Variants in SFXN1 observed in about 807,000 individuals in gnomAD.
SFXN1 encodes sideroflexin 1, also known as sideroflexin-1.
A neutral mutation model predicts 39.5 loss-of-function variants in SFXN1; 32 were observed. The ratio of observed to expected loss-of-function variants is 0.81; its 90% CI spans 0.61 to 1.09. The LOEUF (loss-of-function observed/expected upper bound fraction) is 1.09. SFXN1 is among the 50% of genes least tolerant of loss of function. The pLI, the probability that SFXN1 is intolerant of heterozygous loss-of-function variation, is 0.00. For missense variants in SFXN1, 402 were observed against 407.1 expected, an observed-to-expected ratio of 0.99 and a Z score of 0.11; for synonymous variants, 136 against 146.5, an observed-to-expected ratio of 0.93 and a Z score of 0.52.
At chr5:175,495,779 T>C (rs2113290247) in intron 2 of SFXN1, among the ~76,000 whole-genome samples, 1 of 151,498 alleles carries the variant, frequency 6.6e-6, no homozygotes, top group East Asian at 1.9e-4. Context: ...AATCTTTTAC[T>C]ACAATAAAAA....
intron 1 of SFXN1, among the ~76,000 whole-genome samples, chr5:175,480,494 C>T (rs1484481634): frequency 6.6e-6 from 1 of 152,072 alleles, no homozygotes; most frequent in East Asian, 1.9e-4. Context: ...GCTTTCAGGC[C>T]ACATGGATGT....
At chr5:175,495,903 CTTTTTT>C (rs374528443) in intron 2 of SFXN1, among the ~76,000 whole-genome samples, 1 of 141,090 alleles carries the variant, frequency 7.1e-6, no homozygotes, top group Admixed American at 7.0e-5. Flanking sequence ...TTAAAAGTGG[CTTTTTT>C]TTTTTTTTGA....
In SFXN1 at chr5:175,492,243, C is replaced by G. The variant is rs552176275; in HGVS notation, c.140C>G (p.Ala47Gly). 8.1e-6 allele frequency: 13 copies of G among 1,610,812 alleles called. No individual in the cohort carries two copies. In the East Asian group the frequency reaches 2.2e-4, roughly 28 times the overall value. The change falls in exon 2 of 11, where the codon GCG becomes GGG. Residue 47 changes from alanine (A) to glycine (G), a missense_variant. Transcript: ENST00000321442. ...ILLTNEQLES[A>G]RKIVHDYRQG... ...TTAACCAACGAACAACTCGAGAGTG[C>G]GAGAAAAATAGTACATGATTACAGG...
intron 2 of SFXN1, among the ~76,000 whole-genome samples, chr5:175,501,306 T>C (rs193134520): frequency 6.6e-6 from 1 of 151,970 alleles, no homozygotes; most frequent in African/African-American, 2.4e-5. Flanking sequence ...CTGACCTCGT[T>C]ATCCGCCCGC....
At chr5:175,517,296 G>GT (rs967711653) in intron 8 of SFXN1, among the ~76,000 whole-genome samples, 16 of 152,104 alleles carry the variant, frequency 1.1e-4, no homozygotes, top group African/African-American at 3.1e-4. Context: ...TTAAGCTGTG[G>GT]TTTTTTTAGC....
intron 1 of SFXN1, among the ~76,000 whole-genome samples, chr5:175,487,730 A>C (rs1335226813): frequency 6.6e-6 from 1 of 152,048 alleles, no homozygotes; most frequent in Non-Finnish European, 1.5e-5. Flanking sequence ...ACTTAGACCT[A>C]CTTACTCTGC....
chr5:175,510,118 G>A lies in SFXN1; in HGVS notation c.345G>A (p.Pro115=), dbSNP rs760591309. 9.3e-6 allele frequency: 15 copies of A among 1,612,102 alleles called. No individual in the cohort carries two copies. Among genetic ancestry groups the A allele is most frequent in the South Asian group, 5.5e-5 (5 of 90,568 alleles). Residue 115 remains proline, a synonymous_variant, in exon 4 of 11, where the codon CCG becomes CCA. Transcript: ENST00000321442. ...GATGCCTCTGTTTTAGGACTACGCC[G>A]GCTGTGCTGTTCTGGCAGTGGATTA... ...GCMMTFYRTT[P]AVLFWQWINQ...
chr5:175,518,142 T>C (rs1312583930), intron 8 of SFXN1, among the ~76,000 whole-genome samples: 1 of 152,156 alleles, frequency 6.6e-6, no homozygotes, highest in Non-Finnish European at 1.5e-5. Flanking sequence ...GCCTAAAATC[T>C]GGTGCTTCTG....
Position 175,515,834 on chromosome 5 carries a change from A to G in SFXN1, c.725-780A>G, listed in dbSNP as rs529916642. Reference sequence around the variant, plus strand: ...TTCTATTATTATTACATTGTAACATATAATGAAATAATTAGACAAGTCACC... The same window carrying G: ...TTCTATTATTATTACATTGTAACATGTAATGAAATAATTAGACAAGTCACC... On this transcript the variant is annotated intron_variant, in intron 7 of 10. Transcript: ENST00000321442. Among the ~76,000 whole-genome samples, 28 of 152,220 alleles carry G rather than the reference A, an allele frequency of 1.8e-4. 1 individual carries two copies. The highest frequency in any genetic ancestry group is 3.8e-4 in the Non-Finnish European group (26 of 68,048).
At chr5:175,516,474 G>T in intron 7 of SFXN1, 140 bp from the exon 8 acceptor site, 1 of 662,666 alleles carries the variant, frequency 1.5e-6, no homozygotes, top group East Asian at 2.8e-5. Flanking sequence ...ATAATTTAAA[G>T]AATTGCTACA....
At chr5:175,519,468 C>T (rs79941275) in intron 8 of SFXN1, among the ~76,000 whole-genome samples, 28,805 of 152,184 alleles carry the variant, frequency 0.19, 2,858 homozygotes, top group African/African-American at 0.2. Flanking sequence ...AATGGATAAA[C>T]ATCTTGTGAA....
intron 8 of SFXN1, among the ~76,000 whole-genome samples, chr5:175,521,015 C>T (rs1445174799): frequency 6.6e-6 from 1 of 152,100 alleles, no homozygotes; most frequent in Non-Finnish European, 1.5e-5. Flanking sequence ...TCTTTGGGGA[C>T]CAGGGTATGC....
intron 2 of SFXN1, among the ~76,000 whole-genome samples, 174 bp from the exon 3 acceptor site, chr5:175,508,858 A>G (rs1476089720): frequency 6.7e-6 from 1 of 148,804 alleles, no homozygotes; most frequent in Non-Finnish European, 1.5e-5. Context: ...GATGATCTCT[A>G]TCTCTTGACC....
chr5:175,486,548 G>A (rs1436144630), intron 1 of SFXN1, among the ~76,000 whole-genome samples: 1 of 152,200 alleles, frequency 6.6e-6, no homozygotes, highest in Non-Finnish European at 1.5e-5. Context: ...GATCACTTGA[G>A]CCCGGGAGTT....
intron 2 of SFXN1, among the ~76,000 whole-genome samples, chr5:175,503,496 A>G (rs966844328): frequency 1.1e-4 from 16 of 152,258 alleles, no homozygotes; most frequent in Non-Finnish European, 2.4e-4. Context: ...AGTGTAATTT[A>G]TCACATCAAT....
intron 1 of SFXN1, among the ~76,000 whole-genome samples, chr5:175,480,366 A>C (rs926098416): frequency 6.6e-6 from 1 of 151,680 alleles, no homozygotes; most frequent in Non-Finnish European, 1.5e-5. Context: ...GCGCCACTGC[A>C]CTCCAGCCTG....
At chr5:175,497,974 A>T (rs984210967) in intron 2 of SFXN1, among the ~76,000 whole-genome samples, 2 of 151,796 alleles carry the variant, frequency 1.3e-5, no homozygotes, top group Non-Finnish European at 2.9e-5. Context: ...GTAGTAGGAA[A>T]TTCTAACATA....
intron 7 of SFXN1, among the ~76,000 whole-genome samples, chr5:175,514,233 G>A (rs111736909): frequency 6.6e-6 from 1 of 152,244 alleles, no homozygotes; most frequent in South Asian, 2.1e-4. Context: ...CCATACAGTG[G>A]GAATTTGACC....
Position 175,512,100 on chromosome 5 carries a change from C to T in SFXN1, c.511-11C>T, listed in dbSNP as rs1206005482. The T allele has an allele frequency of 1.2e-6, 2 of 1,610,628 alleles. No individual in the cohort carries two copies. The highest frequency in any genetic ancestry group is 4.5e-5 in the East Asian group (2 of 44,878). On this transcript the variant is annotated splice_polypyrimidine_tract_variant and intron_variant, in intron 5 of 10. Transcript: ENST00000321442. ...AATAAGATAAAGCTCTTGAAATTTT[C>T]TCCTCTGCAGCATGTCTCACCACTG...
Sources: gnomAD v4.1 joint callset for allele counts (sites outside exome capture counted in the v4.1 genomes callset) on GRCh38, gnomAD v4.1.1 for gene constraint, MANE v1.5 for transcripts, NCBI Gene and HGNC (gene_info 2026-07-23, HGNC 2026-07-21) for gene names.